Variants in INO80 observed in about 807,000 individuals in gnomAD.
The protein encoded by INO80 is INO80 complex ATPase subunit, also known as chromatin-remodeling ATPase INO80.
Under a neutral mutation model 203.4 loss-of-function variants are expected in INO80, and 20 were observed. That is an observed-to-expected ratio of 0.10 (90% confidence interval 0.07 to 0.14). INO80 has a LOEUF of 0.14. Among genes scored for constraint, INO80 ranks in the 10% least tolerant of loss-of-function variants. The pLI, the probability that INO80 is intolerant of heterozygous loss-of-function variation, is 1.00. For synonymous variants in INO80, 726 were observed against 685.2 expected, an observed-to-expected ratio of 1.06 and a Z score of -0.93; for missense variants, 1,419 against 1,914.4, an observed-to-expected ratio of 0.74 and a Z score of 4.83.
rs545022339 is a variant in INO80 at position 40,980,240 on chromosome 15, G to A, written c.4654C>T (p.Pro1552Ser). 4.3e-6 allele frequency: 7 copies of A among 1,612,876 alleles called. No homozygotes were observed. Among genetic ancestry groups the A allele is most frequent in the East Asian group, 2.2e-5 (1 of 44,884 alleles). ...LVRKQGKGTN[P>S]SGGR Reference sequence around the variant, plus strand: ...CCAGATGGTTACCGTCCTCCAGAGGGGTTGGTGCCTTTGCCCTGTTTCCGG... The same window carrying A: ...CCAGATGGTTACCGTCCTCCAGAGGAGTTGGTGCCTTTGCCCTGTTTCCGG... Residue 1552 changes from proline (P) to serine (S), a missense_variant, in exon 36 of 36, where the codon CCC (proline) becomes TCC (serine). Coordinates refer to ENST00000648947, the MANE Select transcript of INO80 (RefSeq NM_017553.3).
At chr15:40,998,877 G>A (rs2043917779) in intron 28 of INO80, among the ~76,000 whole-genome samples, 1 of 151,786 alleles carries the variant, frequency 6.6e-6, no homozygotes, top group Non-Finnish European at 1.5e-5. Context: ...GACCAGGCTG[G>A]TCTCCTACCT....
At chr15:41,099,264 A>ACAC (rs2045770907) in intron 1 of INO80, among the ~76,000 whole-genome samples, 2 of 128,124 alleles carry the variant, frequency 1.6e-5, no homozygotes, top group African/African-American at 2.9e-5. Flanking sequence ...AAAAAAAAAA[A>ACAC]AAACAAACAC....
intron 6 of INO80, 97 bp from the exon 7 acceptor site, chr15:41,085,680 A>C (rs1596318438): frequency 5.9e-6 from 5 of 851,948 alleles, no homozygotes. Flanking sequence ...TCCTTATTCC[A>C]CCTGACACTG....
intron 12 of INO80, 89 bp from the exon 13 acceptor site, chr15:41,070,636 G>A: frequency 9.2e-7 from 1 of 1,081,096 alleles, no homozygotes; most frequent in Non-Finnish European, 1.4e-6. Context: ...AAGATAACAG[G>A]CTTGTTTAAA....
chr15:40,989,255 T>G (rs2043784663), intron 29 of INO80, among the ~76,000 whole-genome samples: 1 of 152,168 alleles, frequency 6.6e-6, no homozygotes, highest in East Asian at 1.9e-4. Flanking sequence ...CAACAGTCAT[T>G]TACTAGCCCA....
rs779953633 is a variant in INO80, at chr15:41,092,186, A to G, written c.382-4T>C. Reference sequence around the variant, plus strand: ...ATTCATCACTTAGCAGAATGCTCTGAAAAGGGTGAAAATAGAAATGTATCT... The same window carrying G: ...ATTCATCACTTAGCAGAATGCTCTGGAAAGGGTGAAAATAGAAATGTATCT... On this transcript the variant is annotated splice_region_variant and splice_polypyrimidine_tract_variant and intron_variant, in intron 4 of 35. Coordinates refer to ENST00000648947, the MANE Select transcript of INO80 (RefSeq NM_017553.3). 2 of 1,576,740 alleles carry G rather than the reference A, an allele frequency of 1.3e-6. No homozygotes were observed.
chr15:41,042,851 A>G (rs560139447), intron 24 of INO80, among the ~76,000 whole-genome samples: 30 of 152,348 alleles, frequency 2.0e-4, no homozygotes, highest in African/African-American at 6.5e-4. Context: ...ATATACATAC[A>G]TATGTTGGAG....
intron 7 of INO80, among the ~76,000 whole-genome samples, chr15:41,081,447 C>T (rs924948254): frequency 3.3e-5 from 5 of 152,154 alleles, no homozygotes; most frequent in Non-Finnish European, 7.3e-5. Context: ...AGCAGGGCAT[C>T]CAGATACAGG....
At chr15:41,023,460 A>G in intron 25 of INO80, 1 of 391,030 alleles carries the variant, frequency 2.6e-6, no homozygotes, top group Non-Finnish European at 5.1e-6. Flanking sequence ...TTAGATAAGT[A>G]AAGCATATTT....
At position 41,096,262 on chromosome 15, in the gene INO80, C is replaced by T. The variant is rs2045722347; in HGVS notation, c.49G>A (p.Ala17Thr). 1 of 1,611,748 alleles carries T rather than the reference C, an allele frequency of 6.2e-7. No individual in the cohort carries two copies. The highest frequency in any genetic ancestry group is 1.7e-5 in the Admixed American group (1 of 59,066). The stretch of plus-strand genomic sequence containing the variant: ...AAGTACTGAAGATAGAGGGGCTTTG[C>T]CAGCTCAGTGCAGCCTCCATCATCC... ...ARDDGGCTEL[A>T]KPLYLQYLER... The change falls in exon 2 of 36, where the codon GCA (alanine) becomes ACA (threonine). Residue 17 changes from alanine to threonine, a missense_variant. Ala to Thr is a moderately conservative substitution (Grantham distance 58, BLOSUM62 0). This residue lies in a region of INO80 where 323 missense variants were observed against 325.4 expected (regional missense o/e 0.99). Coordinates refer to ENST00000648947, the MANE Select transcript of INO80 (RefSeq NM_017553.3).
At chr15:40,986,977 A>G in intron 31 of INO80, 114 bp downstream of exon 31, 1 of 593,004 alleles carries the variant, frequency 1.7e-6, no homozygotes, top group Admixed American at 2.9e-5. Context: ...ATATGAGCAC[A>G]AAAATACTTT....
At chr15:41,079,574 C>CAAAA (rs57754557) in intron 9 of INO80, 127 bp downstream of exon 9, 72 of 646,322 alleles carry the variant, frequency 1.1e-4, no homozygotes, top group Middle Eastern at 3.3e-4. Context: ...GCATCTCTAC[C>CAAAA]AAAAAAAAAA....
rs192327784 is a variant in INO80 at position 40,979,138 on chromosome 15, T to G, written c.*1085A>C. 6.5e-6 allele frequency: 1 copy of G among 152,682 alleles called. No homozygotes were observed. The highest frequency in any genetic ancestry group is 1.9e-4 in the East Asian group (1 of 5,176). 9.5% of individuals were successfully genotyped at this position (152,682 alleles called of 1,614,324 possible). A position where few individuals can be genotyped will look rare whatever the true frequency, so the allele number is the denominator to read the frequency against. Reference sequence around the variant, plus strand: ...ACTCCAAAAAAGTTTTAAAAATCAATCTATCGAAACTCAATTCCGCGATTT... The same window carrying G: ...ACTCCAAAAAAGTTTTAAAAATCAAGCTATCGAAACTCAATTCCGCGATTT... On this transcript the variant is annotated 3_prime_UTR_variant, in exon 36 of 36. Coordinates refer to ENST00000648947, the MANE Select transcript of INO80 (RefSeq NM_017553.3).
chr15:41,113,991 G>A (rs1347641752), intron 1 of INO80, among the ~76,000 whole-genome samples: 2 of 152,116 alleles, frequency 1.3e-5, no homozygotes, highest in African/African-American at 4.8e-5. Flanking sequence ...AAATTCAGCC[G>A]GGCACGGTGG....
chr15:41,080,145 A>G (rs2045464384), intron 8 of INO80, among the ~76,000 whole-genome samples: 3 of 152,216 alleles, frequency 2.0e-5, no homozygotes, highest in African/African-American at 7.2e-5. Context: ...AAAAATTATA[A>G]TGATGAAGAA....
Position 41,049,439 on chromosome 15 carries a change from G to C in INO80, c.2443-19C>G, listed in dbSNP as rs186448037. ...TACACACCTAAAAGGAAGGGAAATG[G>C]TAAGACAATATTACCACATGCAGAC... On this transcript the variant is annotated intron_variant, in intron 20 of 35. Transcript: ENST00000648947. 1.4e-4 allele frequency: 223 copies of C among 1,612,674 alleles called. No individual in the cohort carries two copies. In the African/African-American group the frequency reaches 2.6e-3, roughly 19 times the overall value.
chr15:41,017,390 G>A (rs181898739), intron 26 of INO80: 1 of 152,256 alleles, frequency 6.6e-6, no homozygotes, highest in Admixed American at 6.5e-5. Context: ...TGTGGAAGTG[G>A]CCATAGGACA....
At chr15:41,006,931 A>C (rs2044049978) in intron 27 of INO80, among the ~76,000 whole-genome samples, 1 of 152,156 alleles carries the variant, frequency 6.6e-6, no homozygotes, top group Non-Finnish European at 1.5e-5. Flanking sequence ...CGTAGGACTG[A>C]ACTAATGGCA....
intron 1 of INO80, among the ~76,000 whole-genome samples, chr15:41,112,137 C>T (rs935039488): frequency 6.6e-6 from 1 of 152,118 alleles, no homozygotes. Context: ...CTCAAGCTCA[C>T]GTGATCCTCC....
Sources: gnomAD v4.1 joint callset for allele counts (sites outside exome capture counted in the v4.1 genomes callset) on GRCh38, gnomAD v4.1.1 for gene constraint, gnomAD v4.1.1 regional missense constraint, MANE v1.5 for transcripts, NCBI Gene and HGNC (gene_info 2026-07-23, HGNC 2026-07-21) for gene names.